The following MCF2L variants were observed in gnomAD, a reference collection of about 807,000 sequenced individuals.
The protein encoded by MCF2L is guanine nucleotide exchange factor DBS.
Under a neutral mutation model 153.4 loss-of-function variants are expected in MCF2L, and 97 were observed. That is an observed-to-expected ratio of 0.63 (90% CI 0.54 to 0.75). The LOEUF (loss-of-function observed/expected upper bound fraction) is 0.75. MCF2L is among the 30% of genes least tolerant of loss of function. The pLI is 0.00. For synonymous variants in MCF2L, 659 were observed against 632.2 expected, an observed-to-expected ratio of 1.04 and a Z score of -0.64; for missense variants, 1,347 against 1,495.2, an observed-to-expected ratio of 0.90 and a Z score of 1.64.
chr13:113,065,982 T>G (rs2032300273), intron 7 of MCF2L, 64 bp from the exon 8 acceptor site: 33 of 1,554,076 alleles, frequency 2.1e-5, no homozygotes, highest in Non-Finnish European at 2.8e-5. Context: ...CCACGAGGCC[T>G]CACCACCAGC....
At chr13:112,898,146 C>T (rs368768295) in intron 1 of MCF2L, among the ~76,000 whole-genome samples, 8 of 152,316 alleles carry the variant, frequency 5.3e-5, no homozygotes, top group African/African-American at 1.7e-4. Context: ...GAGTGGAAGC[C>T]GTGTGGCAGC....
At chr13:112,935,769 G>A (rs1044126530) in intron 2 of MCF2L, among the ~76,000 whole-genome samples, 2 of 152,206 alleles carry the variant, frequency 1.3e-5, no homozygotes, top group African/African-American at 4.8e-5. Flanking sequence ...CTGTAGTTAA[G>A]ATGAAGTCAT....
intron 2 of MCF2L, among the ~76,000 whole-genome samples, chr13:112,923,981 T>C (rs1035751166): frequency 6.6e-6 from 1 of 152,192 alleles, no homozygotes; most frequent in Non-Finnish European, 1.5e-5. Flanking sequence ...ATCCAGGAGA[T>C]GCATTTTTGG....
At chr13:113,067,113 G>A (rs1295265915) in intron 8 of MCF2L, among the ~76,000 whole-genome samples, 1 of 152,272 alleles carries the variant, frequency 6.6e-6, no homozygotes, top group Non-Finnish European at 1.5e-5. Context: ...CAAAGACTCA[G>A]TTTCCTCATC....
At chr13:112,987,292 G>C (rs1012115294) in intron 1 of MCF2L, among the ~76,000 whole-genome samples, 4 of 152,238 alleles carry the variant, frequency 2.6e-5, no homozygotes, top group Non-Finnish European at 5.9e-5. Context: ...CACGCAGAGG[G>C]TGGCGTGCGC....
intron 2 of MCF2L, among the ~76,000 whole-genome samples, chr13:112,922,970 A>G (rs948840812): frequency 1.3e-5 from 2 of 152,248 alleles, no homozygotes; most frequent in African/African-American, 4.8e-5. Flanking sequence ...GCACTCGACA[A>G]ATGCGGTGCC....
intron 1 of MCF2L, among the ~76,000 whole-genome samples, chr13:112,900,883 G>C (rs939127541): frequency 1.3e-5 from 2 of 151,132 alleles, no homozygotes; most frequent in Admixed American, 1.3e-4. Flanking sequence ...GAGCGCCTGT[G>C]GGGTGGTCTG....
At chr13:113,001,857 C>G (rs76233387) in intron 1 of MCF2L, 1 of 1,542,996 alleles carries the variant, frequency 6.5e-7, no homozygotes, top group Non-Finnish European at 8.7e-7. Context: ...TTTGTGTGCC[C>G]GGGAAGGGCG....
intron 3 of MCF2L, among the ~76,000 whole-genome samples, chr13:113,041,944 T>C (rs1440855641): frequency 6.6e-6 from 1 of 152,172 alleles, no homozygotes; most frequent in Non-Finnish European, 1.5e-5. Flanking sequence ...CTATGTGACT[T>C]TGGGCAAGTG....
chr13:113,060,763 G>A (rs369012123), intron 5 of MCF2L, 51 bp downstream of exon 5: 281 of 1,597,728 alleles, frequency 1.8e-4, no homozygotes, highest in Non-Finnish European at 2.2e-4. Flanking sequence ...ACTCATTGCC[G>A]TCCTGGCCCA....
chr13:112,923,940 A>G (rs1371519494), intron 2 of MCF2L, among the ~76,000 whole-genome samples: 1 of 152,136 alleles, frequency 6.6e-6, no homozygotes, highest in Non-Finnish European at 1.5e-5. Flanking sequence ...GAACATTCCT[A>G]AATTGGGGTT....
At position 113,077,207 on chromosome 13, in the gene MCF2L, C is replaced by T. The variant is rs907938336; in HGVS notation, c.1656C>T (p.Ser552=). Residue 552 remains serine (S), a synonymous_variant, in exon 13 of 30, where the codon TCC becomes TCT. Coordinates refer to ENST00000535094, the MANE Select transcript of MCF2L (RefSeq NM_001112732.3). ...CACTGGCAAAGTCGCCCTGCCCCTCCCCAGGTCTGTGTGGCCGCCCGGTGC... is the reference window on the plus strand; with the variant it reads ...CACTGGCAAAGTCGCCCTGCCCCTCTCCAGGTCTGTGTGGCCGCCCGGTGC... The part of the protein sequence containing the change: ...PEALAKSPCP[S]PGIRRGSENS... The T allele has an allele frequency of 8.9e-6, 14 of 1,575,120 alleles. No individual in the cohort carries two copies. Among genetic ancestry groups the T allele is most frequent in the African/African-American group, 4.0e-5 (3 of 74,084 alleles).
At chr13:112,906,132 T>C (rs1213610170) in intron 2 of MCF2L, among the ~76,000 whole-genome samples, 1 of 152,238 alleles carries the variant, frequency 6.6e-6, no homozygotes, top group East Asian at 1.9e-4. Context: ...GAAGCTGCTC[T>C]GTTTGCTCTT....
intron 1 of MCF2L, chr13:113,010,025 AC>A (rs2083975893): frequency 1.3e-5 from 2 of 152,058 alleles, no homozygotes; most frequent in Non-Finnish European, 1.5e-5. Flanking sequence ...ACCAGTGAGC[AC>A]CAGGGACGGG....
At chr13:112,947,974 C>T (rs913481226) in intron 2 of MCF2L, among the ~76,000 whole-genome samples, 1 of 152,248 alleles carries the variant, frequency 6.6e-6, no homozygotes, top group African/African-American at 2.4e-5. Flanking sequence ...AGAATTAGCA[C>T]CACGTGGACT....
At position 112,917,458 on chromosome 13, in the gene MCF2L, G is replaced by A. The variant is rs148455037; in HGVS notation, c.169+15087G>A. 1,080 of 326,390 alleles carry A rather than the reference G, an allele frequency of 3.3e-3. 5 individuals carry two copies. The highest frequency in any genetic ancestry group is 0.01 in the Middle Eastern group (9 of 882). The allele number at this position is 326,390 out of a possible 1,614,324, so 20.2% of individuals were successfully genotyped here. A position where few individuals can be genotyped will look rare whatever the true frequency, so the allele number is the denominator to read the frequency against. On this transcript the variant is annotated intron_variant, in intron 2 of 29. Coordinates refer to the MCF2L transcript ENST00000375608. Reference sequence around the variant, plus strand: ...CCGCCCTGTCTCCCACTTTGAGGTCGCGCTGCCTCTGCGCCTGTCCCTCCC... The same window carrying A: ...CCGCCCTGTCTCCCACTTTGAGGTCACGCTGCCTCTGCGCCTGTCCCTCCC...
intron 27 of MCF2L, chr13:113,095,687 C>G: frequency 1.0e-6 from 1 of 991,688 alleles, no homozygotes; most frequent in Non-Finnish European, 1.2e-6. Flanking sequence ...GCCCAGTCAC[C>G]GTCCTCCTGC....
intron 5 of MCF2L, chr13:113,063,730 C>G (rs1051059003): frequency 2.4e-6 from 1 of 413,698 alleles, no homozygotes; most frequent in Non-Finnish European, 4.9e-6. Context: ...AGCAGAGGTG[C>G]CGGGGCCACT....
intron 1 of MCF2L, chr13:113,009,426 G>GT (rs560236209): frequency 4.6e-5 from 7 of 152,270 alleles, no homozygotes; most frequent in Non-Finnish European, 8.8e-5. Context: ...GAGATTTAAT[G>GT]TAAGTGAGAA....
Sources: gnomAD v4.1 joint callset for allele counts (sites outside exome capture counted in the v4.1 genomes callset) on GRCh38, gnomAD v4.1.1 for gene constraint, MANE v1.5 for transcripts, NCBI Gene and HGNC (gene_info 2026-07-23, HGNC 2026-07-21) for gene names.